The following ATE1 variants were observed in gnomAD, a reference collection of about 807,000 sequenced individuals.
ATE1 encodes arginyl-tRNA--protein transferase 1.
Under a neutral mutation model 70.5 loss-of-function variants are expected in ATE1, and 36 were observed. That is an observed-to-expected ratio of 0.51 (90% CI 0.39 to 0.67). The LOEUF is 0.67. ATE1 is among the 30% of genes least tolerant of loss of function. The pLI, the probability that ATE1 is intolerant of heterozygous loss-of-function variation, is 0.00. For synonymous variants in ATE1, 232 were observed against 219.3 expected (o/e 1.06, Z -0.51); for missense variants, 593 against 629.5 (o/e 0.94, Z 0.62).
intron 7 of ATE1, among the ~76,000 whole-genome samples, chr10:121,874,804 G>T (rs1949979197): frequency 6.6e-6 from 1 of 151,998 alleles, no homozygotes; most frequent in Non-Finnish European, 1.5e-5. Flanking sequence ...AAGAGATCAA[G>T]ACCATCCTGG....
chr10:121,858,973 T>C (rs182153259), intron 8 of ATE1, among the ~76,000 whole-genome samples: 2,420 of 151,688 alleles, frequency 0.016, 61 homozygotes, highest in African/African-American at 0.056. Context: ...CACATGCCTG[T>C]AATCCCAGCT....
intron 1 of ATE1, among the ~76,000 whole-genome samples, chr10:121,924,682 AGAGT>A (rs1244665795): frequency 6.7e-6 from 1 of 149,912 alleles, no homozygotes; most frequent in Non-Finnish European, 1.5e-5. Context: ...CCCTGGCGAC[AGAGT>A]GAGACTCCAT....
chr10:121,806,908 T>A (rs888345538), intron 10 of ATE1, among the ~76,000 whole-genome samples: 1 of 152,212 alleles, frequency 6.6e-6, no homozygotes, highest in Non-Finnish European at 1.5e-5. Flanking sequence ...TCAGATTCAA[T>A]GAATACATAC....
chr10:121,818,865 A>C (rs1273058812), intron 10 of ATE1, among the ~76,000 whole-genome samples: 2 of 152,246 alleles, frequency 1.3e-5, no homozygotes, highest in Non-Finnish European at 2.9e-5. Flanking sequence ...ACAAAGGTTA[A>C]ATCATTTTAA....
At position 121,741,916 on chromosome 10, in the gene ATE1, T is replaced by C. The variant is rs1944159811; in HGVS notation, c.*1764A>G. 6.6e-6 allele frequency: 1 copy of C among 152,232 alleles called. No individual in the cohort carries two copies. Among genetic ancestry groups the C allele is most frequent in the Admixed American group, 6.5e-5 (1 of 15,282 alleles). 9.4% of individuals were successfully genotyped at this position (152,232 alleles called of 1,614,324 possible). A position where few individuals can be genotyped will look rare whatever the true frequency, so the allele number is the denominator to read the frequency against. ...ATTTTTACTTTTTATTTATACTTCT[T>C]AATGTTCTAACTGCTTACAGTGTCA... On this transcript the variant is annotated 3_prime_UTR_variant, in exon 12 of 12. Transcript: ENST00000224652.
chr10:121,741,505 A>G lies in ATE1; in HGVS notation c.*2175T>C, dbSNP rs1232867330. 6.6e-6 allele frequency: 1 copy of G among 152,218 alleles called. No individual in the cohort carries two copies. The highest frequency in any genetic ancestry group is 1.5e-5 in the Non-Finnish European group (1 of 68,048). 9.4% of individuals were successfully genotyped at this position (152,218 alleles called of 1,614,324 possible). A position where few individuals can be genotyped will look rare whatever the true frequency, so the allele number is the denominator to read the frequency against. ...AAAATGAATTCTGCAGGAAGAAACC[A>G]GAGTTGTGGTAAGATGTTGGAGTCA... is the stretch of plus-strand genomic sequence containing the variant. On this transcript the variant is annotated 3_prime_UTR_variant, in exon 12 of 12. Coordinates refer to ENST00000224652, the MANE Select transcript of ATE1 (RefSeq NM_001001976.3).
chr10:121,856,699 A>AAT (rs1949262145), intron 8 of ATE1, among the ~76,000 whole-genome samples: 1 of 152,240 alleles, frequency 6.6e-6, no homozygotes, highest in African/African-American at 2.4e-5. Context: ...ATCCAAATGC[A>AAT]ATATATATAC....
chr10:121,823,430 G>C (rs1380523847), intron 10 of ATE1, among the ~76,000 whole-genome samples: 1 of 152,194 alleles, frequency 6.6e-6, no homozygotes, highest in African/African-American at 2.4e-5. Context: ...GACTTCCTGG[G>C]AAAACCTGTG....
chr10:121,896,940 A>G lies in ATE1; in HGVS notation c.942+2926T>C, dbSNP rs760549130. On this transcript the variant is annotated intron_variant, in intron 7 of 11. Coordinates refer to ENST00000224652, the MANE Select transcript of ATE1 (RefSeq NM_001001976.3). The stretch of plus-strand genomic sequence containing the variant: ...TAGTAGTTCCTCAAAATGGCATACA[A>G]TTTTACCCTCCACACCTCTGCATTT... Among the ~76,000 whole-genome samples, 51 of 92,250 alleles carry G rather than the reference A, an allele frequency of 5.5e-4. 1 individual carries two copies. The highest frequency in any genetic ancestry group is 4.5e-4 in the Non-Finnish European group (20 of 44,048). The allele number at this position is 92,250 out of a possible 152,430, so 60.5% of individuals were successfully genotyped here. A position where few individuals can be genotyped will look rare whatever the true frequency, so the allele number is the denominator to read the frequency against.
chr10:121,757,981 G>C (rs1944877396), intron 11 of ATE1, among the ~76,000 whole-genome samples: 1 of 152,036 alleles, frequency 6.6e-6, no homozygotes, highest in Non-Finnish European at 1.5e-5. Flanking sequence ...TTTTCATATT[G>C]TTTCTTTTCT....
intron 11 of ATE1, among the ~76,000 whole-genome samples, chr10:121,758,024 C>T (rs1944878686): frequency 6.6e-6 from 1 of 152,038 alleles, no homozygotes; most frequent in Non-Finnish European, 1.5e-5. Flanking sequence ...ACCAGTTGCA[C>T]AGTAACGGAA....
At chr10:121,794,837 T>C (rs894171646) in intron 10 of ATE1, among the ~76,000 whole-genome samples, 3 of 151,784 alleles carry the variant, frequency 2.0e-5, no homozygotes, top group African/African-American at 7.3e-5. Flanking sequence ...AACTTTTGAG[T>C]CCTTAAGGTT....
intron 4 of ATE1, among the ~76,000 whole-genome samples, chr10:121,911,796 C>G (rs12257321): frequency 0.085 from 11,857 of 140,010 alleles, 1 homozygote; most frequent in East Asian, 0.12. Context: ...GCCCAGGCTG[C>G]AGTGCAGGGG....
At chr10:121,775,663 A>G (rs1377636298) in intron 11 of ATE1, among the ~76,000 whole-genome samples, 2 of 152,224 alleles carry the variant, frequency 1.3e-5, no homozygotes, top group East Asian at 3.8e-4. Flanking sequence ...CCATGTACAA[A>G]GTTGGCATTT....
At chr10:121,878,240 T>C (rs542713620) in intron 7 of ATE1, among the ~76,000 whole-genome samples, 2 of 152,250 alleles carry the variant, frequency 1.3e-5, no homozygotes, top group East Asian at 3.9e-4. Context: ...GAGGGAGCCT[T>C]CTAGCATGCT....
At chr10:121,853,361 C>CA (rs386372688) in intron 8 of ATE1, among the ~76,000 whole-genome samples, 26,471 of 68,606 alleles carry the variant, frequency 0.39, 3,795 homozygotes, top group East Asian at 0.5. Flanking sequence ...GACTCTGTCT[C>CA]AAAAAAAAAA....
At position 121,928,002 on chromosome 10, in the gene ATE1, C is replaced by A; in HGVS notation, c.-53G>T. 7.2e-7 allele frequency: 1 copy of A among 1,392,872 alleles called. No homozygotes were observed. 86.3% of individuals were successfully genotyped at this position (1,392,872 alleles called of 1,614,324 possible). A position where few individuals can be genotyped will look rare whatever the true frequency, so the allele number is the denominator to read the frequency against. ...CCCGGCCCCGCGTCGCTAGCGCGGCCGCCGCCGCCACCCCACAATGCAGCG... is the reference window on the plus strand; with the variant it reads ...CCCGGCCCCGCGTCGCTAGCGCGGCAGCCGCCGCCACCCCACAATGCAGCG... On this transcript the variant is annotated 5_prime_UTR_variant, in exon 1 of 12. Coordinates refer to ENST00000224652, the MANE Select transcript of ATE1 (RefSeq NM_001001976.3).
chr10:121,870,102 G>GA, intron 7 of ATE1, 64 bp from the exon 8 acceptor site: 1 of 1,445,532 alleles, frequency 6.9e-7, no homozygotes, highest in Non-Finnish European at 9.6e-7. Context: ...GGAACACAGA[G>GA]AAAAAGAAAA....
At chr10:121,885,494 TG>T (rs67148443) in intron 7 of ATE1, among the ~76,000 whole-genome samples, 19,172 of 132,922 alleles carry the variant, frequency 0.14, 1,429 homozygotes, top group Middle Eastern at 0.24. Flanking sequence ...AGCATAAACC[TG>T]GGAGGTGGAG....
Sources: gnomAD v4.1 joint callset for allele counts (sites outside exome capture counted in the v4.1 genomes callset) on GRCh38, gnomAD v4.1.1 for gene constraint, MANE v1.5 for transcripts, NCBI Gene and HGNC (gene_info 2026-07-23, HGNC 2026-07-21) for gene names.